GRM4: variants seen among roughly 807,000 people sequenced by gnomAD.
The protein encoded by GRM4 is glutamate metabotropic receptor 4.
In GRM4, 28 loss-of-function variants were observed where a neutral mutation model predicts 81.7. The observed-to-expected ratio is 0.34, with a 90% CI of 0.25 to 0.47. The LOEUF is 0.47. Among genes scored for constraint, GRM4 ranks in the 20% least tolerant of loss-of-function variants. GRM4 has a pLI of 1.00. For missense variants in GRM4, 948 were observed against 1,290.0 expected (o/e 0.73, Z 4.06); for synonymous variants, 488 against 528.8 (o/e 0.92, Z 1.06).
At position 34,078,286 on chromosome 6, in the gene GRM4, C is replaced by T. The variant is rs765102640; in HGVS notation, c.736+13597G>A. On this transcript the variant is annotated intron_variant, in intron 3 of 10. Transcript: ENST00000538487. This position sits in a 1 kb window ranked among gnomAD's most constrained non-coding sequence, Gnocchi z 4.8. ...ACCTTCTGCTTCTTCTCTGTCTCCC[C>T]CCAAATACACACTCTCTTCGATCAT... Among the ~76,000 whole-genome samples, 13 of 152,080 alleles carry T rather than the reference C, an allele frequency of 8.5e-5. No homozygotes were observed. The highest frequency in any genetic ancestry group is 3.1e-4 in the African/African-American group (13 of 41,354).
At chr6:34,099,794 G>A (rs1016826417) in intron 2 of GRM4, among the ~76,000 whole-genome samples, 1 of 152,174 alleles carries the variant, frequency 6.6e-6, no homozygotes, top group African/African-American at 2.4e-5. Flanking sequence ...GGCACAACTG[G>A]GTGGTCTTTG....
chr6:34,051,673 C>T (rs1372655278), intron 6 of GRM4, among the ~76,000 whole-genome samples: 2 of 152,134 alleles, frequency 1.3e-5, no homozygotes, highest in African/African-American at 2.4e-5. Flanking sequence ...GCTATCTTCC[C>T]GTAGGCTTGA....
intron 2 of GRM4, among the ~76,000 whole-genome samples, chr6:34,131,299 A>G (rs2127510208): frequency 6.6e-6 from 1 of 152,384 alleles, no homozygotes; most frequent in South Asian, 2.1e-4. Flanking sequence ...CAAACTACGT[A>G]CATCCATGTT....
In GRM4 at chr6:34,114,198, A is replaced by G. The variant is rs1331456346; in HGVS notation, c.519+18780T>C. On this transcript the variant is annotated intron_variant, in intron 2 of 10. Coordinates refer to ENST00000538487, the MANE Select transcript of GRM4 (RefSeq NM_000841.4). This position sits in a 1 kb window ranked among gnomAD's most constrained non-coding sequence, Gnocchi z 4.3. The stretch of plus-strand genomic sequence containing the variant: ...TGTCCCCACTCATGTAAGTGATTAC[A>G]TCATGTCTCCTGTCTTTCTTCCCAC... 6.6e-6 allele frequency among the ~76,000 whole-genome samples: 1 copy of G among 152,206 alleles called. No individual in the cohort carries two copies. Among genetic ancestry groups the G allele is most frequent in the African/African-American group, 2.4e-5 (1 of 41,450 alleles).
chr6:34,123,533 G>A (rs1410313186), intron 2 of GRM4, among the ~76,000 whole-genome samples: 1 of 152,154 alleles, frequency 6.6e-6, no homozygotes, highest in Non-Finnish European at 1.5e-5. Flanking sequence ...GCTGAGATGA[G>A]CGAGGTCCAG....
Position 34,133,470 on chromosome 6 carries a change from C to A in GRM4, c.27G>T (p.Trp9Cys), listed in dbSNP as rs1391690844. Reference protein sequence around the residue: MPGKRGLGWWWARLPLCLL... With the variant: MPGKRGLGCWWARLPLCLL... The stretch of plus-strand genomic sequence containing the variant: ...GGCAAAGGGGCAGCCGGGCCCACCA[C>A]CAGCCCAAGCCTCTCTTCCCAGGCA... The change falls in exon 2 of 11, where the codon TGG (tryptophan) becomes TGT (cysteine). Residue 9 changes from tryptophan (W) to cysteine (C), a missense_variant. Physicochemically the swap from Trp to Cys is radical, Grantham distance 215 (BLOSUM62 -2). Coordinates refer to ENST00000538487, the MANE Select transcript of GRM4 (RefSeq NM_000841.4). The surrounding 1 kb of genome is among the most constrained non-coding windows in gnomAD (Gnocchi z 6.5). 11 of 1,580,278 alleles carry A rather than the reference C, an allele frequency of 7.0e-6. No individual in the cohort carries two copies. Among genetic ancestry groups the A allele is most frequent in the Non-Finnish European group, 9.5e-6 (11 of 1,163,564 alleles).
In GRM4 at chr6:34,111,950, GGA is replaced by G. The variant is rs1769400414; in HGVS notation, c.520-19853_520-19852del. On this transcript the variant is annotated intron_variant, in intron 2 of 10. Transcript: ENST00000538487. The surrounding 1 kb of genome is among the most constrained non-coding windows in gnomAD (Gnocchi z 5.1). Reference sequence around the variant, plus strand: ...TTATTGAGGTTTCTCAATAAGAAAAGGAGACTTGCCTGGAGATTCTGAAATGG... The same window carrying G: ...TTATTGAGGTTTCTCAATAAGAAAAGGACTTGCCTGGAGATTCTGAAATGG... Among the ~76,000 whole-genome samples the G allele has an allele frequency of 6.6e-6, 1 of 152,132 alleles. No homozygotes were observed. Among genetic ancestry groups the G allele is most frequent in the Admixed American group, 6.5e-5 (1 of 15,288 alleles).
At chr6:34,056,452 A>G (rs1353551023) in intron 6 of GRM4, 92 bp downstream of exon 6, 7 of 1,205,834 alleles carry the variant, frequency 5.8e-6, no homozygotes, top group Non-Finnish European at 8.2e-6. Context: ...CCGACGACAG[A>G]CAAAGGGAGA....
chr6:34,084,462 AAGG>A (rs1291681735), intron 3 of GRM4, among the ~76,000 whole-genome samples: 2 of 152,090 alleles, frequency 1.3e-5, no homozygotes, highest in Non-Finnish European at 2.9e-5. Context: ...CTGCTCCACC[AAGG>A]AGCACAGCTC....
Position 34,035,803 on chromosome 6 carries a change from C to T in GRM4, c.2307G>A (p.Val769=). ...YSMLLMVTCT[V]YAIKTRGVPE... ...GCACGCCGCGTGTCTTGATGGCATA[C>T]ACGGTGCACGTGACCATGAGCAGCA... The change falls in exon 9 of 11, where the codon GTG becomes GTA. Residue 769 remains valine (V), a synonymous_variant. Transcript: ENST00000538487. This position sits in a 1 kb window ranked among gnomAD's most constrained non-coding sequence, Gnocchi z 6.6. The T allele has an allele frequency of 1.2e-6, 2 of 1,613,914 alleles. No individual in the cohort carries two copies. Among genetic ancestry groups the T allele is most frequent in the East Asian group, 2.2e-5 (1 of 44,878 alleles).
rs2306927 is a variant in GRM4, at chr6:34,092,028, G to A, written c.591C>T (p.Arg197=). 1.3e-4 allele frequency: 211 copies of A among 1,613,994 alleles called. No individual in the cohort carries two copies. Among genetic ancestry groups the A allele is most frequent in the African/African-American group, 1.2e-3 (93 of 75,070 alleles). The change falls in exon 3 of 11, where the codon CGC becomes CGT. Residue 197 remains arginine, a synonymous_variant. Coordinates refer to ENST00000538487, the MANE Select transcript of GRM4 (RefSeq NM_000841.4). This position sits in a 1 kb window ranked among gnomAD's most constrained non-coding sequence, Gnocchi z 6.8. ...CCTGGTACGTGTCCGAGGGCACCAC[G>A]CGGGAGAAGAAGTCGTAGCGGCTGT... ...SDNSRYDFFS[R]VVPSDTYQAQ...
intron 2 of GRM4, among the ~76,000 whole-genome samples, chr6:34,106,862 C>T (rs191355360): frequency 1.8e-4 from 27 of 152,360 alleles, no homozygotes; most frequent in African/African-American, 6.0e-4. Flanking sequence ...CGAGCCTGAG[C>T]GGCAGTTGGC....
At chr6:34,058,946 C>T (rs975667380) in intron 5 of GRM4, 28 bp downstream of exon 5, 5 of 1,595,156 alleles carry the variant, frequency 3.1e-6, no homozygotes, top group Admixed American at 3.4e-5. Flanking sequence ...CAGGATGGTG[C>T]CGACCACCTG....
At position 34,040,216 on chromosome 6, in the gene GRM4, T is replaced by G. The variant is rs767770537; in HGVS notation, c.1468A>C (p.Lys490Gln). The G allele has an allele frequency of 1.2e-6, 2 of 1,614,084 alleles. No individual in the cohort carries two copies. The change falls in exon 8 of 11, where the codon AAG becomes CAG. Residue 490 changes from lysine to glutamine, a missense_variant. Coordinates refer to ENST00000538487, the MANE Select transcript of GRM4 (RefSeq NM_000841.4). ...TGGTCAGTCCAGGAGCCAATGACCT[T>G]GTACTCGGCAGAATCGTTGCGCAGC... is the stretch of plus-strand genomic sequence containing the variant. ...YQLRNDSAEY[K>Q]VIGSWTDHLH...
At chr6:34,081,450 G>C (rs1221229157) in intron 3 of GRM4, among the ~76,000 whole-genome samples, 1 of 152,260 alleles carries the variant, frequency 6.6e-6, no homozygotes, top group Non-Finnish European at 1.5e-5. Flanking sequence ...AGGCTCAAGG[G>C]CTCTGGGAAG....
intron 6 of GRM4, among the ~76,000 whole-genome samples, chr6:34,046,893 G>A (rs752578749): frequency 1.2e-4 from 19 of 152,240 alleles, no homozygotes; most frequent in East Asian, 9.7e-4. Context: ...ACCTACACCC[G>A]TTTTTGTCTC....
At chr6:34,028,534 G>A (rs1764254104) in intron 9 of GRM4, among the ~76,000 whole-genome samples, 168 bp from the exon 10 acceptor site, 1 of 152,216 alleles carries the variant, frequency 6.6e-6, no homozygotes. Context: ...TCAAATCTTG[G>A]CTCACTACTT....
intron 2 of GRM4, among the ~76,000 whole-genome samples, chr6:34,109,145 C>G (rs1347345683): frequency 2.0e-5 from 3 of 152,210 alleles, no homozygotes; most frequent in African/African-American, 7.2e-5. Context: ...TGCCTGGCCT[C>G]CCTCCTCCCC....
At position 34,073,793 on chromosome 6, in the gene GRM4, C is replaced by T. The variant is rs75368781; in HGVS notation, c.737-11765G>A. Among the ~76,000 whole-genome samples the T allele has an allele frequency of 6.2e-3, 941 of 152,270 alleles. 8 individuals carry two copies. Among genetic ancestry groups the T allele is most frequent in the African/African-American group, 0.02 (844 of 41,546 alleles). On this transcript the variant is annotated intron_variant, in intron 3 of 10. Transcript: ENST00000538487. Reference sequence around the variant, plus strand: ...CCCAATTAGCCTGAATCCTTTCCCACGGAGGCCCTGCGAGGCCCTAGCATG... The same window carrying T: ...CCCAATTAGCCTGAATCCTTTCCCATGGAGGCCCTGCGAGGCCCTAGCATG...
Sources: gnomAD v4.1 joint callset for allele counts (sites outside exome capture counted in the v4.1 genomes callset) on GRCh38, gnomAD v4.1.1 for gene constraint, Gnocchi (gnomAD v3.1) non-coding constraint, MANE v1.5 for transcripts, NCBI Gene and HGNC (gene_info 2026-07-23, HGNC 2026-07-21) for gene names.